Variants in ASS1 observed in about 807,000 individuals in gnomAD.
ASS1 encodes argininosuccinate synthase 1.
A neutral mutation model predicts 60.5 loss-of-function variants in ASS1; 58 were observed. That is an observed-to-expected ratio of 0.96 (90% CI 0.78 to 1.19). The LOEUF is 1.19. Ranked by LOEUF, ASS1 falls within the 50% of genes most tolerant of loss-of-function variation. The pLI is 0.00. For synonymous variants in ASS1, 200 were observed against 206.9 expected (o/e 0.97, Z 0.29); for missense variants, 454 against 547.3 (o/e 0.83, Z 1.70).
Position 130,476,993 on chromosome 9 carries a change from G to A in ASS1, c.688+32G>A, listed in dbSNP as rs746602223. On this transcript the variant is annotated intron_variant, in intron 9 of 14. Coordinates refer to ENST00000352480, the MANE Select transcript of ASS1 (RefSeq NM_054012.4). This position sits in a 1 kb window ranked among gnomAD's most constrained non-coding sequence, Gnocchi z 4.9. ...GCCCACCTGTTGGGACTCGAAGGGG[G>A]TTGACTTTTGGGGCCCTGGCTCCTT... is the stretch of plus-strand genomic sequence containing the variant. 26 of 1,600,254 alleles carry A rather than the reference G, an allele frequency of 1.6e-5. No individual in the cohort carries two copies. The South Asian group carries it at 2.6e-4, about 16-fold the overall frequency.
chr9:130,466,659 A>C, intron 5 of ASS1, 66 bp from the exon 6 acceptor site: 1 of 1,507,752 alleles, frequency 6.6e-7, no homozygotes, highest in Non-Finnish European at 9.2e-7. Context: ...CCAGCTCTGC[A>C]GCTTACAGGC....
intron 13 of ASS1, among the ~76,000 whole-genome samples, chr9:130,497,047 A>C (rs996404683): frequency 1.3e-5 from 2 of 152,230 alleles, no homozygotes; most frequent in African/African-American, 4.8e-5. Context: ...TAAGCCATAA[A>C]TACAACTGAG....
rs1478702345 is a variant in ASS1 at position 130,471,048 on chromosome 9, C to T, written c.566+144C>T. 2.5e-5 allele frequency: 23 copies of T among 915,040 alleles called. 1 individual carries two copies. The highest frequency in any genetic ancestry group is 2.0e-4 in the South Asian group (15 of 74,536). 56.7% of individuals were successfully genotyped at this position (915,040 alleles called of 1,614,324 possible). ...GAGAGGCCTCAGGCAGGACAGAGGT[C>T]GAAGCGCCCGGCTCATGCACTGCCC... On this transcript the variant is annotated intron_variant, in intron 7 of 14. Coordinates refer to ENST00000352480, the MANE Select transcript of ASS1 (RefSeq NM_054012.4).
At position 130,494,524 on chromosome 9, in the gene ASS1, T is replaced by C. The variant is rs1301320655; in HGVS notation, c.971-343T>C. 6.6e-6 allele frequency among the ~76,000 whole-genome samples: 1 copy of C among 152,210 alleles called. No homozygotes were observed. The highest frequency in any genetic ancestry group is 6.5e-5 in the Admixed American group (1 of 15,274). On this transcript the variant is annotated intron_variant, in intron 12 of 14. Transcript: ENST00000352480. The surrounding 1 kb of genome is among the most constrained non-coding windows in gnomAD (Gnocchi z 4.3). ...ATTAGAGCCTCCATTGGGCCAGGGA[T>C]GGGGTCCCTTTACCACTGTGTCCCC...
chr9:130,500,207 G>C (rs984997405), intron 14 of ASS1, among the ~76,000 whole-genome samples: 1 of 152,124 alleles, frequency 6.6e-6, no homozygotes, highest in South Asian at 2.1e-4. Context: ...GCCCAGGGCC[G>C]GTGTGCTCAA....
At chr9:130,467,835 C>G (rs1845782057) in intron 6 of ASS1, among the ~76,000 whole-genome samples, 2 of 152,150 alleles carry the variant, frequency 1.3e-5, no homozygotes, top group African/African-American at 4.8e-5. Context: ...CGCCTCGAGT[C>G]CTGGATAGAG....
intron 11 of ASS1, among the ~76,000 whole-genome samples, chr9:130,484,089 C>G (rs1047070697): frequency 6.6e-6 from 1 of 152,128 alleles, no homozygotes; most frequent in Non-Finnish European, 1.5e-5. Context: ...AGAGTCCCAC[C>G]CTGACTGGCC....
At chr9:130,496,706 T>G (rs916491946) in intron 13 of ASS1, among the ~76,000 whole-genome samples, 1 of 151,534 alleles carries the variant, frequency 6.6e-6, no homozygotes, top group African/African-American at 2.4e-5. Context: ...AGGAGGGCCC[T>G]GGTGAGCCAG....
chr9:130,495,472 TACACAC>T (rs71499245), intron 13 of ASS1, among the ~76,000 whole-genome samples: 26 of 146,900 alleles, frequency 1.8e-4, no homozygotes, highest in Admixed American at 4.1e-4. Context: ...CACATACATA[TACACAC>T]ACACACACAC....
chr9:130,445,793 C>T (rs952891532), intron 1 of ASS1, among the ~76,000 whole-genome samples: 3 of 152,154 alleles, frequency 2.0e-5, no homozygotes, highest in African/African-American at 7.2e-5. Context: ...GGCCTGGCCT[C>T]AGTATTCTTC....
chr9:130,453,757 C>A lies in ASS1; in HGVS notation c.106-548C>A, dbSNP rs142190763. The stretch of plus-strand genomic sequence containing the variant: ...AGAGTCCAGGCAGCAGGAAACATGG[C>A]AGTGTCTAGACAGGGGCTGTCAGAC... On this transcript the variant is annotated intron_variant, in intron 2 of 14. Transcript: ENST00000352480. Among the ~76,000 whole-genome samples the A allele has an allele frequency of 6.6e-3, 1,000 of 152,308 alleles. 7 individuals carry two copies. Among genetic ancestry groups the A allele is most frequent in the African/African-American group, 0.017 (714 of 41,562 alleles).
rs1037288856 is a variant in ASS1 at position 130,472,284 on chromosome 9, G to A, written c.597+769G>A. Among the ~76,000 whole-genome samples the A allele has an allele frequency of 2.0e-5, 3 of 152,222 alleles. No homozygotes were observed. The Middle Eastern group carries it at 0.01, about 518-fold the overall frequency. ...GGAATCAAGAAGACCAGCTGGAGGG[G>A]AGGGTGCCCGGGGAGGTTTGGTGAA... On this transcript the variant is annotated intron_variant, in intron 8 of 14. Coordinates refer to ENST00000352480, the MANE Select transcript of ASS1 (RefSeq NM_054012.4).
rs774231051 is a variant in ASS1, at chr9:130,464,109, A to G, written c.364-2A>G. On this transcript the variant is annotated splice_acceptor_variant, in intron 4 of 14. Transcript: ENST00000352480. LOFTEE classifies it high-confidence loss of function. ...CTGACAGCCCTCTGTTCTGCATTGC[A>G]GGGGAACGATCAGGTCCGGTTTGAG... is the stretch of plus-strand genomic sequence containing the variant. 6.2e-7 allele frequency: 1 copy of G among 1,614,096 alleles called. No homozygotes were observed. Among genetic ancestry groups the G allele is most frequent in the Non-Finnish European group, 8.5e-7 (1 of 1,179,998 alleles).
chr9:130,493,226 C>A (rs1176374297), intron 12 of ASS1, among the ~76,000 whole-genome samples: 1 of 152,146 alleles, frequency 6.6e-6, no homozygotes, highest in African/African-American at 2.4e-5. Flanking sequence ...TGCTGTGTGG[C>A]CTTGGACAGG....
At chr9:130,452,093 G>A (rs568059523) in intron 1 of ASS1, 131 bp from the exon 2 acceptor site, 32 of 793,146 alleles carry the variant, frequency 4.0e-5, no homozygotes, top group East Asian at 1.3e-4. Context: ...TCCTGTTCCC[G>A]ACCTTCAGTG....
chr9:130,483,715 G>T (rs576094743), intron 11 of ASS1, among the ~76,000 whole-genome samples: 1 of 142,260 alleles, frequency 7.0e-6, no homozygotes. Context: ...AGCCCTGCCC[G>T]TCTCACCTCT....
rs1184735868 is a variant in ASS1 at position 130,489,142 on chromosome 9, C to T, written c.839-191C>T. On this transcript the variant is annotated intron_variant, in intron 11 of 14. Transcript: ENST00000352480. The surrounding 1 kb of genome is among the most constrained non-coding windows in gnomAD (Gnocchi z 4.1). ...CTCCACAAGCCGCAGAGTGGACTGT[C>T]GTGGCCCCAGCATGAACATAATGAC... 6.6e-6 allele frequency among the ~76,000 whole-genome samples: 1 copy of T among 152,030 alleles called. No individual in the cohort carries two copies. The highest frequency in any genetic ancestry group is 1.5e-5 in the Non-Finnish European group (1 of 68,008).
chr9:130,464,995 A>G (rs1477146684), intron 5 of ASS1, among the ~76,000 whole-genome samples: 1 of 147,270 alleles, frequency 6.8e-6, no homozygotes, highest in Non-Finnish European at 1.5e-5. Flanking sequence ...ATATATAAAT[A>G]TTTTTATATA....
intron 5 of ASS1, among the ~76,000 whole-genome samples, chr9:130,466,210 G>T (rs12340606): frequency 0.058 from 8,774 of 152,270 alleles, 828 homozygotes; most frequent in African/African-American, 0.2. Context: ...GGGGCTCAAG[G>T]GGAATGAGCT....
Sources: gnomAD v4.1 joint callset for allele counts (sites outside exome capture counted in the v4.1 genomes callset) on GRCh38, gnomAD v4.1.1 for gene constraint, Gnocchi (gnomAD v3.1) non-coding constraint, MANE v1.5 for transcripts, NCBI Gene and HGNC (gene_info 2026-07-23, HGNC 2026-07-21) for gene names.